The following CLSTN2 variants were observed in gnomAD, a reference collection of about 807,000 sequenced individuals.
CLSTN2 encodes the protein calsyntenin-2.
CLSTN2 carries 48 observed loss-of-function variants against 101.2 expected under a neutral mutation model. The ratio of observed to expected loss-of-function variants is 0.47; its 90% confidence interval spans 0.38 to 0.60. CLSTN2 has a LOEUF of 0.60. Among genes scored for constraint, CLSTN2 ranks in the 20% least tolerant of loss-of-function variants. The pLI, the probability that CLSTN2 is intolerant of heterozygous loss-of-function variation, is 0.00. For missense variants in CLSTN2, 1,160 were observed against 1,238.2 expected (o/e 0.94, Z 0.95); for synonymous variants, 481 against 463.6 (o/e 1.04, Z -0.48).
intron 2 of CLSTN2, among the ~76,000 whole-genome samples, chr3:140,203,350 A>G (rs1046866478): frequency 9.2e-5 from 14 of 152,196 alleles, no homozygotes; most frequent in Admixed American, 8.5e-4. Flanking sequence ...AGGACATTAA[A>G]AAGGTGATAG....
chr3:140,388,345 T>C (rs1376781913), intron 2 of CLSTN2, among the ~76,000 whole-genome samples: 6 of 152,262 alleles, frequency 3.9e-5, no homozygotes, highest in Admixed American at 2.6e-4. Flanking sequence ...GCACCTTTGA[T>C]GGAGATACAT....
chr3:140,476,607 C>T (rs1007833068), intron 8 of CLSTN2, among the ~76,000 whole-genome samples: 2 of 151,584 alleles, frequency 1.3e-5, no homozygotes, highest in Admixed American at 1.3e-4. Context: ...GATGTCCATC[C>T]AGAAACAGAT....
At chr3:140,079,750 CAA>C (rs548470137) in intron 1 of CLSTN2, among the ~76,000 whole-genome samples, 1 of 106,380 alleles carries the variant, frequency 9.4e-6, no homozygotes, top group Non-Finnish European at 1.9e-5. Context: ...GACTATGTCT[CAA>C]AAAAAAAAAG....
At chr3:140,250,410 C>T (rs1366089056) in intron 2 of CLSTN2, among the ~76,000 whole-genome samples, 1 of 152,136 alleles carries the variant, frequency 6.6e-6, no homozygotes, top group Non-Finnish European at 1.5e-5. Flanking sequence ...ATTTCCATGG[C>T]CGGTGGCTAC....
intron 2 of CLSTN2, among the ~76,000 whole-genome samples, chr3:140,198,033 A>C (rs1440942504): frequency 6.6e-6 from 1 of 152,172 alleles, no homozygotes; most frequent in East Asian, 1.9e-4. Context: ...AGTCCTCATG[A>C]ATTGTACCAG....
chr3:139,936,610 C>T (rs753891232), intron 1 of CLSTN2, among the ~76,000 whole-genome samples: 2 of 152,134 alleles, frequency 1.3e-5, no homozygotes, highest in Non-Finnish European at 2.9e-5. Flanking sequence ...GATTCGGACG[C>T]TTGCTTTGAG....
chr3:140,252,003 A>G (rs898727989), intron 2 of CLSTN2, among the ~76,000 whole-genome samples: 3 of 152,174 alleles, frequency 2.0e-5, no homozygotes, highest in African/African-American at 7.2e-5. Flanking sequence ...ATAACAAGCC[A>G]TAAATGCCAT....
chr3:140,340,692 T>C (rs1167121092), intron 2 of CLSTN2, among the ~76,000 whole-genome samples: 2 of 152,248 alleles, frequency 1.3e-5, no homozygotes, highest in Admixed American at 6.5e-5. Flanking sequence ...TATACGTTAT[T>C]GATAGCTGTA....
In CLSTN2 at chr3:140,463,503, T is replaced by C. The variant is rs1334227925; in HGVS notation, c.1223-3107T>C. On this transcript the variant is annotated intron_variant, in intron 7 of 16. Transcript: ENST00000458420. Reference sequence around the variant, plus strand: ...TCAGAAGGATTGAGGTTGTTGTCTGTAGAAAGGAAGTGAGAACCTTACTTT... The same window carrying C: ...TCAGAAGGATTGAGGTTGTTGTCTGCAGAAAGGAAGTGAGAACCTTACTTT... Among the ~76,000 whole-genome samples the C allele has an allele frequency of 1.3e-5, 2 of 152,140 alleles. 1 individual carries two copies. The highest frequency in any genetic ancestry group is 4.1e-4 in the South Asian group (2 of 4,820).
intron 2 of CLSTN2, among the ~76,000 whole-genome samples, chr3:140,244,945 C>G (rs1184341539): frequency 6.6e-6 from 1 of 152,212 alleles, no homozygotes. Context: ...ATGCCGTGGA[C>G]TATTCAGACC....
In CLSTN2 at chr3:140,243,456, A is replaced by G. The variant is rs1050565526; in HGVS notation, c.232+67383A>G. 6.6e-5 allele frequency among the ~76,000 whole-genome samples: 10 copies of G among 152,354 alleles called. No homozygotes were observed. The East Asian group carries it at 1.5e-3, about 24-fold the overall frequency. Reference sequence around the variant, plus strand: ...TGCTGTCTTTTGCCTGTGGTTTAGTAAATGAATGCAAGTTTGGGGGAACAT... The same window carrying G: ...TGCTGTCTTTTGCCTGTGGTTTAGTGAATGAATGCAAGTTTGGGGGAACAT... On this transcript the variant is annotated intron_variant, in intron 2 of 16. Transcript: ENST00000458420.
intron 4 of CLSTN2, 75 bp from the exon 5 acceptor site, chr3:140,421,050 T>G: frequency 6.9e-7 from 1 of 1,453,994 alleles, no homozygotes; most frequent in Non-Finnish European, 9.4e-7. Context: ...GTGGGTGGAG[T>G]GGAGAAGAGA....
chr3:140,339,146 G>A (rs2087469029), intron 2 of CLSTN2, among the ~76,000 whole-genome samples: 1 of 152,190 alleles, frequency 6.6e-6, no homozygotes, highest in African/African-American at 2.4e-5. Context: ...TTTAAGAATG[G>A]TTCTCAGAAC....
chr3:140,279,112 G>T (rs2086822228), intron 2 of CLSTN2, among the ~76,000 whole-genome samples: 1 of 152,176 alleles, frequency 6.6e-6, no homozygotes, highest in African/African-American at 2.4e-5. Context: ...TTTGTGTCTG[G>T]CTTCTTTCCC....
intron 1 of CLSTN2, among the ~76,000 whole-genome samples, chr3:139,985,911 A>G (rs994178117): frequency 6.6e-6 from 1 of 152,242 alleles, no homozygotes; most frequent in Non-Finnish European, 1.5e-5. Context: ...CAGAATTTTT[A>G]AACTTCATTT....
At chr3:140,248,411 G>C (rs1408155848) in intron 2 of CLSTN2, among the ~76,000 whole-genome samples, 7 of 152,296 alleles carry the variant, frequency 4.6e-5, no homozygotes, top group Non-Finnish European at 8.8e-5. Flanking sequence ...GCAGTTTTGG[G>C]CAGCACTAGA....
At chr3:139,963,990 C>G (rs1034537867) in intron 1 of CLSTN2, among the ~76,000 whole-genome samples, 1 of 152,210 alleles carries the variant, frequency 6.6e-6, no homozygotes, top group Non-Finnish European at 1.5e-5. Flanking sequence ...CCCCCACTCT[C>G]TCTATTAACT....
intron 1 of CLSTN2, among the ~76,000 whole-genome samples, chr3:140,046,157 T>A (rs1465987439): frequency 1.3e-5 from 2 of 152,212 alleles, no homozygotes; most frequent in Non-Finnish European, 2.9e-5. Flanking sequence ...TAAGTCTCTT[T>A]GTAGGTCTCT....
At chr3:140,211,334 C>T (rs1389093778) in intron 2 of CLSTN2, among the ~76,000 whole-genome samples, 1 of 149,360 alleles carries the variant, frequency 6.7e-6, no homozygotes, top group African/African-American at 2.5e-5. Context: ...GTAATCAGTT[C>T]TCAATTCTCC....
Sources: allele counts gnomAD v4.1 joint callset (sites outside exome capture counted in the v4.1 genomes callset), GRCh38; gene constraint gnomAD v4.1.1; transcripts MANE v1.5; gene names NCBI Gene and HGNC (gene_info 2026-07-23, HGNC 2026-07-21).